Variants in POMGNT1 observed in about 807,000 individuals in gnomAD.
The protein encoded by POMGNT1 is protein O-linked mannose N-acetylglucosaminyltransferase 1 (beta 1,2-).
A neutral mutation model predicts 95.6 loss-of-function variants in POMGNT1; 67 were observed. The observed-to-expected ratio is 0.70, with a 90% CI of 0.58 to 0.86. The LOEUF (loss-of-function observed/expected upper bound fraction) is 0.86. Ranked by LOEUF, POMGNT1 falls within the 40% of genes least tolerant of loss-of-function variation. The probability of loss-of-function intolerance (pLI) is 0.00; values close to 1 mark genes in which losing one functional copy is unlikely to be tolerated. For synonymous variants in POMGNT1, 298 were observed against 317.9 expected, an observed-to-expected ratio of 0.94 and a Z score of 0.66; for missense variants, 719 against 855.2, an observed-to-expected ratio of 0.84 and a Z score of 1.99.
intron 6 of POMGNT1, chr1:46,195,392 T>G (rs1658151578): frequency 2.7e-6 from 1 of 373,284 alleles, no homozygotes; most frequent in South Asian, 2.2e-5. Flanking sequence ...TTCCTCAGCT[T>G]TCTGCTCACA....
intron 1 of POMGNT1, among the ~76,000 whole-genome samples, chr1:46,210,617 C>T (rs1658863054): frequency 6.6e-6 from 1 of 152,062 alleles, no homozygotes; most frequent in Non-Finnish European, 1.5e-5. Flanking sequence ...CAGGGAAACA[C>T]ATTTACTGGT....
At chr1:46,215,060 A>G (rs1034262710) in intron 1 of POMGNT1, among the ~76,000 whole-genome samples, 12 of 151,938 alleles carry the variant, frequency 7.9e-5, no homozygotes, top group African/African-American at 2.9e-4. Flanking sequence ...CCCTGTCTGT[A>G]CTAAAGATAC....
Position 46,196,207 on chromosome 1 carries a change from T to C in POMGNT1, c.355-130A>G. The C allele has an allele frequency of 1.3e-6, 2 of 1,545,584 alleles. No homozygotes were observed. The highest frequency in any genetic ancestry group is 1.7e-6 in the Non-Finnish European group (2 of 1,148,134). The stretch of plus-strand genomic sequence containing the variant: ...CTATGTTTCTGTTCACACAGTTCTT[T>C]TCCAACTCAGCTCGAAGGCCACCTC... On this transcript the variant is annotated intron_variant, in intron 4 of 21. Transcript: ENST00000371984. The surrounding 1 kb of genome is among the most constrained non-coding windows in gnomAD (Gnocchi z 4.4).
At chr1:46,201,198 G>T (rs1658522928), upstream of POMGNT1, among the ~76,000 whole-genome samples, 1 of 151,230 alleles carries the variant, frequency 6.6e-6, no homozygotes, top group South Asian at 2.1e-4. Context: ...AAAGTACCAA[G>T]GAAAATGATG....
chr1:46,210,939 T>A (rs1658875540), intron 1 of POMGNT1, among the ~76,000 whole-genome samples: 2 of 142,742 alleles, frequency 1.4e-5, no homozygotes, highest in Admixed American at 1.5e-4. Flanking sequence ...CACACTCACC[T>A]AATTTTTTTT....
In POMGNT1 at chr1:46,190,423, A is replaced by G. The variant is rs776097568; in HGVS notation, c.1649+50T>C. The G allele has an allele frequency of 7.2e-6, 11 of 1,528,958 alleles. No individual in the cohort carries two copies. In the Admixed American group the frequency reaches 1.3e-4, roughly 19 times the overall value. 94.7% of individuals were successfully genotyped at this position (1,528,958 alleles called of 1,614,324 possible). A position where few individuals can be genotyped will look rare whatever the true frequency, so the allele number is the denominator to read the frequency against. ...TGTAAATTATGGGGCCAAGATCCCCAGTATTTGACTCTTTGCTCCCTGCTA... is the reference window on the plus strand; with the variant it reads ...TGTAAATTATGGGGCCAAGATCCCCGGTATTTGACTCTTTGCTCCCTGCTA... On this transcript the variant is annotated intron_variant, in intron 19 of 21. Coordinates refer to ENST00000371984, the MANE Select transcript of POMGNT1 (RefSeq NM_017739.4).
At chr1:46,197,608 T>G (rs1235637466) in intron 2 of POMGNT1, 94 bp downstream of exon 2, 1 of 1,586,378 alleles carries the variant, frequency 6.3e-7, no homozygotes, top group African/African-American at 1.3e-5. Flanking sequence ...CCTTTCCCAC[T>G]GGGGCTGGCC....
At position 46,189,337 on chromosome 1, in the gene POMGNT1, A is replaced by C; in HGVS notation, c.1916T>G (p.Val639Gly). Residue 639 changes from valine to glycine, a missense_variant, in exon 22 of 22, where the codon GTC becomes GGC. Transcript: ENST00000371984. ...SPYSVKKPPS[V>G]TPIFLEPPPK... Reference sequence around the variant, plus strand: ...GGGTGGCTCCAGGAAAATTGGGGTGACTGAGGGTGGCTTCTTCACTCTGGG... The same window carrying C: ...GGGTGGCTCCAGGAAAATTGGGGTGCCTGAGGGTGGCTTCTTCACTCTGGG... 6.2e-7 allele frequency: 1 copy of C among 1,613,846 alleles called. No individual in the cohort carries two copies. Among genetic ancestry groups the C allele is most frequent in the Non-Finnish European group, 8.5e-7 (1 of 1,180,002 alleles).
chr1:46,189,743 TAA>T (rs1657602514), intron 20 of POMGNT1, 109 bp downstream of exon 20: 1 of 1,567,040 alleles, frequency 6.4e-7, no homozygotes, highest in Non-Finnish European at 8.7e-7. Flanking sequence ...TCTAAGAGTA[TAA>T]AGAGGAGGTT....
In POMGNT1 at chr1:46,219,984, C is replaced by T. The variant is rs377174586; in HGVS notation, c.-330G>A. 7 of 1,614,246 alleles carry T rather than the reference C, an allele frequency of 4.3e-6. No homozygotes were observed. The Admixed American group carries it at 1.0e-4, about 23-fold the overall frequency. ...CAGCGAGCTGGATGAACAGGGCCCA[C>T]CTGGGGCTCCACGTTCCGAGATGGA... On this transcript the variant is annotated 5_prime_UTR_variant, in exon 1 of 23. Coordinates refer to the POMGNT1 transcript ENST00000371992.
chr1:46,197,443 G>T (rs1658336985), intron 2 of POMGNT1: 1 of 1,491,988 alleles, frequency 6.7e-7, no homozygotes, highest in Non-Finnish European at 8.9e-7. Flanking sequence ...TGCCTCACAG[G>T]GGTGTGCCTC....
chr1:46,202,920 GGT>G (rs10689850), upstream of POMGNT1, among the ~76,000 whole-genome samples: 5,286 of 64,306 alleles, frequency 0.082, 368 homozygotes, highest in Non-Finnish European at 0.11. Context: ...GGGGGGGGGT[GGT>G]GTGTGTGTGT....
At position 46,193,873 on chromosome 1, in the gene POMGNT1, C is replaced by A. The variant is rs193919336; in HGVS notation, c.932G>T (p.Arg311Leu). Reference protein sequence around the residue: ...NVPVAVIAGNRPNYLYRMLRS... With the variant: ...NVPVAVIAGNLPNYLYRMLRS... ...GGCTTACCTGTACAGGTAATTGGGT[C>A]GGTTCCCTGCAATGACAGCCACAGG... Residue 311 changes from arginine to leucine, a missense_variant, in exon 10 of 22, where the codon CGA becomes CTA. Around this residue, in one of 5 missense-constraint regions of POMGNT1, gnomAD observed 466 missense variants for 517.4 expected, o/e 0.90. Coordinates refer to ENST00000371984, the MANE Select transcript of POMGNT1 (RefSeq NM_017739.4). The A allele has an allele frequency of 6.2e-7, 1 of 1,614,080 alleles. No homozygotes were observed. Among genetic ancestry groups the A allele is most frequent in the Non-Finnish European group, 8.5e-7 (1 of 1,180,000 alleles).
At chr1:46,200,843 T>C (rs888425523), upstream of POMGNT1, among the ~76,000 whole-genome samples, 1 of 152,238 alleles carries the variant, frequency 6.6e-6, no homozygotes, top group African/African-American at 2.4e-5. Flanking sequence ...TGATTTTCTT[T>C]AAGGCAAATG....
intron 1 of POMGNT1, among the ~76,000 whole-genome samples, chr1:46,206,350 C>G (rs568065914): frequency 6.6e-6 from 1 of 152,106 alleles, no homozygotes; most frequent in East Asian, 1.9e-4. Context: ...TGATAGTCCC[C>G]GCTCTGGGAG....
chr1:46,193,608 C>A lies in POMGNT1; in HGVS notation c.982G>T (p.Val328Leu), dbSNP rs1242775965. 1.2e-6 allele frequency: 2 copies of A among 1,614,208 alleles called. No individual in the cohort carries two copies. Among genetic ancestry groups the A allele is most frequent in the Non-Finnish European group, 1.7e-6 (2 of 1,180,026 alleles). ...MLRSLLSAQG[V>L]SPQMITVFID... is the part of the protein sequence containing the mutation. ...AAAACTGTTATCATCTGAGGAGACACCCCCTGGGCTGAAAGCAGAGAGCGC... is the reference window on the plus strand; with the variant it reads ...AAAACTGTTATCATCTGAGGAGACAACCCCTGGGCTGAAAGCAGAGAGCGC... The change falls in exon 11 of 22, where the codon GTG becomes TTG. Residue 328 changes from valine to leucine, a missense_variant. Val to Leu is a conservative substitution (Grantham distance 32). Coordinates refer to ENST00000371984, the MANE Select transcript of POMGNT1 (RefSeq NM_017739.4).
Position 46,190,006 on chromosome 1 carries a change from G to C in POMGNT1, c.1650-17C>G. On this transcript the variant is annotated splice_polypyrimidine_tract_variant and intron_variant, in intron 19 of 21. Transcript: ENST00000371984. ...TCAGCCTCACTGCAGTAGAGGGTGG[G>C]AGAATATAGCCAAGACAGGGCCCAC... is the stretch of plus-strand genomic sequence containing the variant. The C allele has an allele frequency of 6.8e-6, 11 of 1,613,436 alleles. No individual in the cohort carries two copies. Among genetic ancestry groups the C allele is most frequent in the Non-Finnish European group, 9.3e-6 (11 of 1,179,802 alleles).
upstream of POMGNT1, among the ~76,000 whole-genome samples, chr1:46,201,889 C>T (rs1658543860): frequency 6.6e-6 from 1 of 150,900 alleles, no homozygotes; most frequent in South Asian, 2.1e-4. Flanking sequence ...GTAGTCACAG[C>T]TGCTTGGGAG....
upstream of POMGNT1, chr1:46,203,345 GCTT>G: frequency 7.5e-7 from 1 of 1,333,906 alleles, no homozygotes; most frequent in Non-Finnish European, 9.9e-7. Flanking sequence ...GTTTTGCTCC[GCTT>G]TAGCAGCGGC....
Sources: gnomAD v4.1 joint callset for allele counts (sites outside exome capture counted in the v4.1 genomes callset) on GRCh38, gnomAD v4.1.1 for gene constraint, gnomAD v4.1.1 regional missense constraint, Gnocchi (gnomAD v3.1) non-coding constraint, MANE v1.5 for transcripts, NCBI Gene and HGNC (gene_info 2026-07-23, HGNC 2026-07-21) for gene names.